SGCZ: variants seen among roughly 807,000 people sequenced by gnomAD.
The protein encoded by SGCZ is sarcoglycan zeta.
A neutral mutation model predicts 41.3 loss-of-function variants in SGCZ; 40 were observed. That is an observed-to-expected ratio of 0.97 (90% CI 0.75 to 1.26). SGCZ has a LOEUF of 1.26. Ranked by LOEUF, SGCZ falls within the 50% of genes most tolerant of loss-of-function variation. The probability of loss-of-function intolerance (pLI) is 0.00; values close to 1 mark genes in which losing one functional copy is unlikely to be tolerated. For synonymous variants in SGCZ, 206 were observed against 137.5 expected, an observed-to-expected ratio of 1.50 and a Z score of -3.49; for missense variants, 552 against 369.8, an observed-to-expected ratio of 1.49 and a Z score of -4.04.
intron 1 of SGCZ, among the ~76,000 whole-genome samples, chr8:14,693,478 G>C (rs749658719): frequency 1.7e-4 from 26 of 149,872 alleles, no homozygotes; most frequent in Non-Finnish European, 3.5e-4. Context: ...TTTTAGTAGA[G>C]ACAGGGTTTC....
intron 1 of SGCZ, among the ~76,000 whole-genome samples, chr8:14,640,578 A>C (rs1225594020): frequency 6.6e-6 from 1 of 151,750 alleles, no homozygotes; most frequent in African/African-American, 2.4e-5. Flanking sequence ...TAACATGCAA[A>C]TAAAAAGTTG....
chr8:14,129,320 T>G (rs1319557906), intron 5 of SGCZ, among the ~76,000 whole-genome samples: 1 of 116,936 alleles, frequency 8.6e-6, no homozygotes, highest in Non-Finnish European at 1.6e-5. Flanking sequence ...CACTCCAGCC[T>G]GGGTGACAGA....
chr8:14,594,591 G>C (rs2117294473), intron 1 of SGCZ, among the ~76,000 whole-genome samples: 1 of 150,502 alleles, frequency 6.6e-6, no homozygotes, highest in Admixed American at 6.6e-5. Context: ...TTATGTCTAT[G>C]GTCATGTTAT....
intron 1 of SGCZ, among the ~76,000 whole-genome samples, chr8:14,863,228 G>T (rs1803813892): frequency 6.6e-6 from 1 of 152,152 alleles, no homozygotes; most frequent in South Asian, 2.1e-4. Flanking sequence ...TAGCCTTGCA[G>T]CTCTGCCCTG....
chr8:14,511,166 A>T (rs68158305), intron 2 of SGCZ, among the ~76,000 whole-genome samples: 1 of 151,600 alleles, frequency 6.6e-6, no homozygotes, highest in African/African-American at 2.4e-5. Flanking sequence ...AATGTATGCC[A>T]TGGGCTCTAT....
chr8:15,062,894 T>C (rs1402888121), intron 1 of SGCZ, among the ~76,000 whole-genome samples: 1 of 152,018 alleles, frequency 6.6e-6, no homozygotes, highest in Non-Finnish European at 1.5e-5. Context: ...GTTCTAACTT[T>C]TTAAAGCATA....
intron 1 of SGCZ, among the ~76,000 whole-genome samples, chr8:15,227,107 G>C (rs1255600276): frequency 6.6e-6 from 1 of 152,164 alleles, no homozygotes; most frequent in Non-Finnish European, 1.5e-5. Context: ...TGTAGCCCAA[G>C]AGAAAGGTGG....
At chr8:14,339,945 A>T (rs144448592) in intron 2 of SGCZ, among the ~76,000 whole-genome samples, 1,684 of 152,308 alleles carry the variant, frequency 0.011, 27 homozygotes, top group African/African-American at 0.037. Context: ...AAATGAAATG[A>T]AAGAATGAAT....
At chr8:14,974,732 T>C (rs1801408600) in intron 1 of SGCZ, among the ~76,000 whole-genome samples, 1 of 152,132 alleles carries the variant, frequency 6.6e-6, no homozygotes, top group Admixed American at 6.5e-5. Context: ...ACAACCACCC[T>C]ATGAGGCACA....
At chr8:15,159,531 A>T (rs1482145032) in intron 1 of SGCZ, among the ~76,000 whole-genome samples, 2 of 152,074 alleles carry the variant, frequency 1.3e-5, no homozygotes, top group Admixed American at 6.5e-5. Flanking sequence ...TTCCAGGTAG[A>T]TGCTGCCAGA....
At chr8:14,996,602 A>C (rs916405497) in intron 1 of SGCZ, among the ~76,000 whole-genome samples, 32 of 152,132 alleles carry the variant, frequency 2.1e-4, no homozygotes, top group Non-Finnish European at 1.0e-4. Flanking sequence ...AGGAAGTCAG[A>C]TGGTGGAATT....
intron 4 of SGCZ, among the ~76,000 whole-genome samples, chr8:14,216,886 TG>T (rs1806011594): frequency 1.3e-5 from 2 of 152,104 alleles, no homozygotes. Flanking sequence ...AGGAAAAGTC[TG>T]GGGGTAGGAG....
chr8:14,212,931 A>G lies in SGCZ; in HGVS notation c.424+24661T>C, dbSNP rs1223439278. ...ATATAATAATGGAAATAAAAACAAA[A>G]TGATTCTGGATGGGATTAATAGTAG... On this transcript the variant is annotated intron_variant, in intron 4 of 7. Coordinates refer to ENST00000382080, the MANE Select transcript of SGCZ (RefSeq NM_139167.4). Among the ~76,000 whole-genome samples the G allele has an allele frequency of 4.6e-5, 7 of 152,132 alleles. No individual in the cohort carries two copies. In the East Asian group the frequency reaches 1.2e-3, roughly 25 times the overall value.
intron 1 of SGCZ, among the ~76,000 whole-genome samples, chr8:14,623,664 A>G (rs1806357567): frequency 6.6e-6 from 1 of 152,182 alleles, no homozygotes. Context: ...GTTATGAACA[A>G]AAGTAAGTAA....
intron 2 of SGCZ, among the ~76,000 whole-genome samples, chr8:14,338,304 G>A (rs1802569595): frequency 6.6e-6 from 1 of 152,176 alleles, no homozygotes; most frequent in Non-Finnish European, 1.5e-5. Context: ...ACTATTAGGA[G>A]CACCAACAAT....
intron 3 of SGCZ, among the ~76,000 whole-genome samples, chr8:14,243,535 A>T (rs532100524): frequency 6.6e-5 from 10 of 152,330 alleles, no homozygotes; most frequent in Admixed American, 1.3e-4. Flanking sequence ...GCTTGAAAGA[A>T]ATTTATGTTC....
intron 1 of SGCZ, among the ~76,000 whole-genome samples, chr8:15,231,610 C>CTTTTTTTTT (rs914572473): frequency 1.4e-5 from 1 of 72,102 alleles, no homozygotes; most frequent in Non-Finnish European, 2.8e-5. Flanking sequence ...TTAATATATT[C>CTTTTTTTTT]TTTTTTTTTT....
chr8:14,873,765 G>A (rs1317523356), intron 1 of SGCZ, among the ~76,000 whole-genome samples: 2 of 152,060 alleles, frequency 1.3e-5, no homozygotes, highest in South Asian at 2.1e-4. Flanking sequence ...ATTGTTTGAA[G>A]AACACCATTT....
chr8:14,223,038 C>G lies in SGCZ; in HGVS notation c.424+14554G>C, dbSNP rs1202548884. Reference sequence around the variant, plus strand: ...TGTAGGCCAGGATGGTCTCGAACTTCTGATCTCATGATCCACCTACCTCGG... The same window carrying G: ...TGTAGGCCAGGATGGTCTCGAACTTGTGATCTCATGATCCACCTACCTCGG... On this transcript the variant is annotated intron_variant, in intron 4 of 7. Transcript: ENST00000382080. Among the ~76,000 whole-genome samples, 3 of 151,966 alleles carry G rather than the reference C, an allele frequency of 2.0e-5. No individual in the cohort carries two copies. The East Asian group carries it at 5.8e-4, about 29-fold the overall frequency.
Sources: allele counts gnomAD v4.1 joint callset (sites outside exome capture counted in the v4.1 genomes callset), GRCh38; gene constraint gnomAD v4.1.1; transcripts MANE v1.5; gene names NCBI Gene and HGNC (gene_info 2026-07-23, HGNC 2026-07-21).